ARIH1: variants seen among roughly 807,000 people sequenced by gnomAD.
ARIH1 encodes ariadne RBR E3 ubiquitin protein ligase 1, also known as E3 ubiquitin-protein ligase ARIH1.
In ARIH1, 8 loss-of-function variants were observed where a neutral mutation model predicts 85.0. The observed-to-expected ratio is 0.09, with a 90% CI of 0.06 to 0.17. The LOEUF (loss-of-function observed/expected upper bound fraction) is 0.17, where lower values mean the gene tolerates loss of function less well. Ranked by LOEUF, ARIH1 falls within the 10% of genes least tolerant of loss-of-function variation. The pLI is 1.00. For missense variants in ARIH1, 311 were observed against 718.1 expected (o/e 0.43, Z 6.48); for synonymous variants, 238 against 253.6 (o/e 0.94, Z 0.59).
intron 8 of ARIH1, 89 bp downstream of exon 8, chr15:72,566,694 A>T: frequency 8.7e-7 from 1 of 1,150,176 alleles, no homozygotes; most frequent in Non-Finnish European, 1.2e-6. Context: ...TTTGTTATCT[A>T]TCTATTGATA....
At position 72,582,191 on chromosome 15, in the gene ARIH1, A is replaced by AT. The variant is rs533509523; in HGVS notation, c.1589+13dup. 3.7e-4 allele frequency: 582 copies of AT among 1,583,196 alleles called. 1 individual carries two copies. The African/African-American group carries it at 4.2e-3, about 12-fold the overall frequency. ...AGAAAGTACAAGACAAGTACAGGTA[A>AT]TTTTTTTTTAAGCTGTTGAATAAAA... On this transcript the variant is annotated splice_donor_region_variant and intron_variant, in intron 13 of 13. Coordinates refer to ENST00000379887, the MANE Select transcript of ARIH1 (RefSeq NM_005744.5). This position sits in a 1 kb window ranked among gnomAD's most constrained non-coding sequence, Gnocchi z 4.6.
intron 3 of ARIH1, among the ~76,000 whole-genome samples, chr15:72,550,252 TCA>T (rs1226747613): frequency 2.0e-5 from 3 of 152,210 alleles, no homozygotes; most frequent in Non-Finnish European, 4.4e-5. Flanking sequence ...GAGGTGCATC[TCA>T]CACGAGTGTG....
In ARIH1 at chr15:72,594,811, C is replaced by CTTTTTTTTTTTTTTTTTTTTTTTT. The variant is rs71137306; in HGVS notation, c.*11523_*11546dup. On this transcript the variant is annotated 3_prime_UTR_variant, in exon 14 of 14. Coordinates refer to ENST00000379887, the MANE Select transcript of ARIH1 (RefSeq NM_005744.5). ...TTTTTCTGATTTTATGCCTTTTCTT[C>CTTTTTTTTTTTTTTTTTTTTTTTT]TTTTTTTTTTTTTTTTTTTTTTTTT... 1.5e-4 allele frequency: 12 copies of CTTTTTTTTTTTTTTTTTTTTTTTT among 79,616 alleles called. 1 individual carries two copies. The highest frequency in any genetic ancestry group is 9.6e-4 in the East Asian group (2 of 2,082). 4.9% of individuals were successfully genotyped at this position (79,616 alleles called of 1,614,324 possible).
intron 2 of ARIH1, among the ~76,000 whole-genome samples, chr15:72,528,325 C>A (rs958754184): frequency 3.9e-5 from 6 of 152,130 alleles, no homozygotes; most frequent in Admixed American, 1.3e-4. Context: ...GACTCTGTTA[C>A]AAATAGCTTT....
Position 72,592,775 on chromosome 15 carries a change from TATAA to T in ARIH1, c.*9487_*9490del, listed in dbSNP as rs1419650653. ...TTTATTGCTGAGTAGTATTTCATTC[TATAA>T]ATATACCACAATTTGTTTATTCATT... is the stretch of plus-strand genomic sequence containing the variant. On this transcript the variant is annotated 3_prime_UTR_variant, in exon 14 of 14. Transcript: ENST00000379887. The T allele has an allele frequency of 6.6e-6, 1 of 152,260 alleles. No individual in the cohort carries two copies. The highest frequency in any genetic ancestry group is 2.4e-5 in the African/African-American group (1 of 41,470). The allele number at this position is 152,260 out of a possible 1,614,324, so 9.4% of individuals were successfully genotyped here.
intron 1 of ARIH1, among the ~76,000 whole-genome samples, chr15:72,484,769 G>GTA (rs1180999869): frequency 4.6e-4 from 51 of 109,728 alleles, no homozygotes; most frequent in African/African-American, 1.3e-3. Context: ...ATATATATGT[G>GTA]TATATATATA....
intron 1 of ARIH1, among the ~76,000 whole-genome samples, chr15:72,500,018 G>T (rs1299702855): frequency 6.6e-6 from 1 of 152,094 alleles, no homozygotes; most frequent in African/African-American, 2.4e-5. Context: ...GGAAACTCTA[G>T]ATTAGAATAT....
At chr15:72,487,654 C>T (rs2063842819) in intron 1 of ARIH1, among the ~76,000 whole-genome samples, 1 of 152,018 alleles carries the variant, frequency 6.6e-6, no homozygotes, top group African/African-American at 2.4e-5. Flanking sequence ...TCCAGTTATC[C>T]CTGATCAAGT....
At chr15:72,527,487 T>C (rs1251056507) in intron 2 of ARIH1, among the ~76,000 whole-genome samples, 1 of 151,862 alleles carries the variant, frequency 6.6e-6, no homozygotes, top group Non-Finnish European at 1.5e-5. Flanking sequence ...AATTGTGTCC[T>C]CTGTTTACCT....
Position 72,576,331 on chromosome 15 carries a change from C to A in ARIH1, c.1215+4166C>A, listed in dbSNP as rs190307709. Among the ~76,000 whole-genome samples the A allele has an allele frequency of 1.8e-4, 28 of 151,956 alleles. No individual in the cohort carries two copies. The East Asian group carries it at 5.4e-3, about 30-fold the overall frequency. ...CCATCCTGGCTAACACAGTGAAACCCCATCTCTACTAAAAATACAAAAAAA... is the reference window on the plus strand; with the variant it reads ...CCATCCTGGCTAACACAGTGAAACCACATCTCTACTAAAAATACAAAAAAA... On this transcript the variant is annotated intron_variant, in intron 11 of 13. Coordinates refer to ENST00000379887, the MANE Select transcript of ARIH1 (RefSeq NM_005744.5).
intron 2 of ARIH1, among the ~76,000 whole-genome samples, chr15:72,529,026 C>T (rs1002111055): frequency 2.0e-5 from 3 of 151,900 alleles, no homozygotes; most frequent in African/African-American, 7.3e-5. Flanking sequence ...CAGTGAAACC[C>T]CATCTCTACT....
In ARIH1 at chr15:72,595,073, T is replaced by G. The variant is rs539580671; in HGVS notation, c.*11781T>G. 4 of 152,220 alleles carry G rather than the reference T, an allele frequency of 2.6e-5. No homozygotes were observed. Among genetic ancestry groups the G allele is most frequent in the African/African-American group, 9.6e-5 (4 of 41,452 alleles). 9.4% of individuals were successfully genotyped at this position (152,220 alleles called of 1,614,324 possible). Reference sequence around the variant, plus strand: ...TTTTGTGAGATGCGTTTTTAGCTTTTAATAAGATTATTATGTATTTCTCTT... The same window carrying G: ...TTTTGTGAGATGCGTTTTTAGCTTTGAATAAGATTATTATGTATTTCTCTT... On this transcript the variant is annotated 3_prime_UTR_variant, in exon 14 of 14. Coordinates refer to ENST00000379887, the MANE Select transcript of ARIH1 (RefSeq NM_005744.5).
chr15:72,549,300 C>T (rs2064143166), intron 3 of ARIH1, among the ~76,000 whole-genome samples: 1 of 152,118 alleles, frequency 6.6e-6, no homozygotes, highest in Non-Finnish European at 1.5e-5. Context: ...GTTGTCCAGG[C>T]TGGTCTCCAA....
chr15:72,559,765 A>C (rs774176835), intron 5 of ARIH1, among the ~76,000 whole-genome samples: 4 of 152,076 alleles, frequency 2.6e-5, no homozygotes, highest in Non-Finnish European at 4.4e-5. Flanking sequence ...TATTCTAGAC[A>C]TTTCATATAA....
intron 1 of ARIH1, among the ~76,000 whole-genome samples, chr15:72,511,363 C>T (rs771780501): frequency 1.2e-4 from 19 of 152,006 alleles, no homozygotes; most frequent in Non-Finnish European, 2.5e-4. Context: ...AGTGCAGTGG[C>T]GCCATCTTGG....
At chr15:72,518,805 A>AAAAAAAAAAAT (rs1567344923) in intron 2 of ARIH1, among the ~76,000 whole-genome samples, 2 of 151,716 alleles carry the variant, frequency 1.3e-5, no homozygotes, top group African/African-American at 4.8e-5. Flanking sequence ...AAAAAAAAAA[A>AAAAAAAAAAAT]ATTCTTGCTC....
Position 72,544,960 on chromosome 15 carries a change from A to G in ARIH1, c.584A>G (p.Asn195Ser). 6.3e-7 allele frequency: 1 copy of G among 1,584,726 alleles called. No individual in the cohort carries two copies. The highest frequency in any genetic ancestry group is 1.7e-4 in the Middle Eastern group (1 of 5,930). The change falls in exon 3 of 14, where the codon AAC becomes AGC. Residue 195 changes from asparagine to serine, a missense_variant. Physicochemically the swap from Asn to Ser is conservative, Grantham distance 46. Around this residue, in one of 3 missense-constraint regions of ARIH1, gnomAD observed 104 missense variants for 221.4 expected, o/e 0.47. Transcript: ENST00000379887. ...PCQICYLNYPNSYFTGLECGH... is the reference protein window; with the variant it reads ...PCQICYLNYPSSYFTGLECGH... ...CAGATCTGCTACTTGAACTACCCTA[A>G]CTCGGTGAGTATCTGGTAGTTTAAG... is the stretch of plus-strand genomic sequence containing the variant.
At chr15:72,560,388 G>A (rs550302857) in intron 5 of ARIH1, among the ~76,000 whole-genome samples, 5 of 152,242 alleles carry the variant, frequency 3.3e-5, no homozygotes, top group East Asian at 3.9e-4. Context: ...CAGTAATAGC[G>A]TCTAATATTT....
intron 11 of ARIH1, among the ~76,000 whole-genome samples, chr15:72,575,221 G>C (rs1033572555): frequency 6.6e-6 from 1 of 152,044 alleles, no homozygotes; most frequent in African/African-American, 2.4e-5. Context: ...TCTTTTCCAC[G>C]CTCCCCAAAC....
Sources: allele counts gnomAD v4.1 joint callset (sites outside exome capture counted in the v4.1 genomes callset), GRCh38; gene constraint gnomAD v4.1.1; regional missense constraint gnomAD v4.1.1; non-coding constraint Gnocchi (gnomAD v3.1); transcripts MANE v1.5; gene names NCBI Gene and HGNC (gene_info 2026-07-23, HGNC 2026-07-21).